Variants in RANBP10 observed in about 807,000 individuals in gnomAD.
RANBP10 encodes the protein ran-binding protein 10.
In RANBP10, 24 loss-of-function variants were observed where a neutral mutation model predicts 72.8. That is an observed-to-expected ratio of 0.33 (90% CI 0.24 to 0.46). The LOEUF (loss-of-function observed/expected upper bound fraction) is 0.46. Among genes scored for constraint, RANBP10 ranks in the 20% least tolerant of loss-of-function variants. RANBP10 has a pLI of 1.00. For synonymous variants in RANBP10, 310 were observed against 322.3 expected, an observed-to-expected ratio of 0.96 and a Z score of 0.41; for missense variants, 679 against 817.5, an observed-to-expected ratio of 0.83 and a Z score of 2.07.
At chr16:67,768,239 G>A (rs960294767) in intron 3 of RANBP10, among the ~76,000 whole-genome samples, 3 of 151,544 alleles carry the variant, frequency 2.0e-5, no homozygotes, top group Non-Finnish European at 2.9e-5. Flanking sequence ...ATACAAAAAC[G>A]GCCGGGCGTG....
rs562765341 is a variant in RANBP10, at chr16:67,758,464, T to C, written c.400+13570A>G. Among the ~76,000 whole-genome samples the C allele has an allele frequency of 2.9e-4, 44 of 152,244 alleles. No individual in the cohort carries two copies. The South Asian group carries it at 5.4e-3, about 19-fold the overall frequency. ...ATGCCTGTGGCTCTGCGTACATCGT[T>C]GGGTCCTGAGCGACGGCCAACCCCT... On this transcript the variant is annotated intron_variant, in intron 3 of 13. Coordinates refer to ENST00000317506, the MANE Select transcript of RANBP10 (RefSeq NM_020850.3).
At chr16:67,727,572 T>C (rs1032358091) in intron 12 of RANBP10, 134 bp from the exon 13 acceptor site, 5 of 1,313,324 alleles carry the variant, frequency 3.8e-6, no homozygotes, top group Non-Finnish European at 5.3e-6. Context: ...GGCAGGGCTG[T>C]ACTCTCCCCA....
At chr16:67,748,049 T>A (rs2054121439) in intron 3 of RANBP10, among the ~76,000 whole-genome samples, 1 of 150,230 alleles carries the variant, frequency 6.7e-6, no homozygotes, top group African/African-American at 2.4e-5. Context: ...ATGGTCTTGA[T>A]CTCCTGACCT....
intron 3 of RANBP10, among the ~76,000 whole-genome samples, chr16:67,745,693 T>C (rs1260653033): frequency 6.9e-6 from 1 of 144,826 alleles, no homozygotes; most frequent in African/African-American, 2.6e-5. Flanking sequence ...TACAGTTGCA[T>C]TACCACCACC....
chr16:67,774,755 C>A (rs969243046), intron 2 of RANBP10, among the ~76,000 whole-genome samples: 13 of 152,136 alleles, frequency 8.5e-5, no homozygotes, highest in Non-Finnish European at 1.5e-4. Context: ...TCTTCAAATA[C>A]TGGGTGACAT....
intron 2 of RANBP10, among the ~76,000 whole-genome samples, chr16:67,772,670 C>A (rs2054630081): frequency 6.6e-6 from 1 of 152,116 alleles, no homozygotes; most frequent in Admixed American, 6.6e-5. Context: ...TGTGAGGCCC[C>A]CAGAGACCCC....
chr16:67,758,096 A>C (rs2054323495), intron 3 of RANBP10, among the ~76,000 whole-genome samples: 1 of 152,240 alleles, frequency 6.6e-6, no homozygotes, highest in African/African-American at 2.4e-5. Context: ...GGCCTTGCAC[A>C]GATCACACCC....
At chr16:67,766,239 G>C (rs2054499933) in intron 3 of RANBP10, among the ~76,000 whole-genome samples, 1 of 152,166 alleles carries the variant, frequency 6.6e-6, no homozygotes, top group African/African-American at 2.4e-5. Context: ...GTTTATGAAT[G>C]ATGATGCTTT....
chr16:67,787,340 G>A (rs1052742740), intron 2 of RANBP10, among the ~76,000 whole-genome samples: 1 of 152,050 alleles, frequency 6.6e-6, no homozygotes, highest in African/African-American at 2.4e-5. Context: ...AGGCAAGACA[G>A]CAAGGCTTTA....
At chr16:67,771,954 G>T (rs776981617) in intron 3 of RANBP10, 80 bp downstream of exon 3, 10 of 1,512,394 alleles carry the variant, frequency 6.6e-6, no homozygotes, top group Non-Finnish European at 9.0e-6. Context: ...GTCCTCCCCA[G>T]CCTCTCTGCT....
At chr16:67,780,396 C>T (rs1167901244) in intron 2 of RANBP10, among the ~76,000 whole-genome samples, 1 of 152,128 alleles carries the variant, frequency 6.6e-6, no homozygotes, top group African/African-American at 2.4e-5. Flanking sequence ...GCTGTGCATG[C>T]ACAGCCTGCA....
At chr16:67,755,833 A>G (rs2054277745) in intron 3 of RANBP10, among the ~76,000 whole-genome samples, 1 of 152,136 alleles carries the variant, frequency 6.6e-6, no homozygotes, top group Non-Finnish European at 1.5e-5. Context: ...CCACCCAACT[A>G]ACCATTCTTC....
intron 3 of RANBP10, among the ~76,000 whole-genome samples, chr16:67,749,642 T>C (rs2054157386): frequency 6.6e-6 from 1 of 152,194 alleles, no homozygotes; most frequent in Non-Finnish European, 1.5e-5. Context: ...CTAGTGGGTA[T>C]GCAAATCATT....
At position 67,724,663 on chromosome 16, in the gene RANBP10, G is replaced by GCCCTGGC. The variant is rs1225217808; in HGVS notation, c.*1758_*1764dup. On this transcript the variant is annotated 3_prime_UTR_variant, in exon 14 of 14. Transcript: ENST00000317506. ...GAATTCTGACAGCACAGGGCCCAGG[G>GCCCTGGC]CCCTGGCCCCATCACCAGCAGTTGG... is the stretch of plus-strand genomic sequence containing the variant. 6.6e-6 allele frequency: 1 copy of GCCCTGGC among 152,270 alleles called. No individual in the cohort carries two copies. The highest frequency in any genetic ancestry group is 2.4e-5 in the African/African-American group (1 of 41,466). 9.4% of individuals were successfully genotyped at this position (152,270 alleles called of 1,614,324 possible).
At chr16:67,767,212 G>C (rs1055904673) in intron 3 of RANBP10, among the ~76,000 whole-genome samples, 2 of 152,074 alleles carry the variant, frequency 1.3e-5, no homozygotes, top group African/African-American at 2.4e-5. Flanking sequence ...ATCTCAAAGA[G>C]ACTCAGATCA....
In RANBP10 at chr16:67,806,292, G is replaced by A. The variant is rs759602357; in HGVS notation, c.235+10C>T. 3 of 1,601,632 alleles carry A rather than the reference G, an allele frequency of 1.9e-6. No homozygotes were observed. Among genetic ancestry groups the A allele is most frequent in the Non-Finnish European group, 2.6e-6 (3 of 1,172,946 alleles). On this transcript the variant is annotated intron_variant, in intron 1 of 13. Coordinates refer to ENST00000317506, the MANE Select transcript of RANBP10 (RefSeq NM_020850.3). The stretch of plus-strand genomic sequence containing the variant: ...TAGCCTTAATTCCCCCCAGCCTGAC[G>A]GGCCGATACCTTTGTAGTGGACGCG...
At chr16:67,799,274 G>A (rs1289475616) in intron 2 of RANBP10, among the ~76,000 whole-genome samples, 2 of 141,914 alleles carry the variant, frequency 1.4e-5, no homozygotes, top group South Asian at 2.2e-4. Context: ...CATGTTCTGC[G>A]CTCCACATCT....
intron 3 of RANBP10, among the ~76,000 whole-genome samples, chr16:67,753,688 T>A (rs1419439446): frequency 1.3e-5 from 2 of 152,024 alleles, no homozygotes; most frequent in African/African-American, 4.8e-5. Context: ...CAGAAAAGCA[T>A]CCAGTGGGGC....
At chr16:67,799,785 C>A (rs1376410579) in intron 2 of RANBP10, among the ~76,000 whole-genome samples, 1 of 152,018 alleles carries the variant, frequency 6.6e-6, no homozygotes, top group Admixed American at 6.6e-5. Context: ...CCTGACCCTT[C>A]GACACCACCG....
Sources: allele counts gnomAD v4.1 joint callset (sites outside exome capture counted in the v4.1 genomes callset), GRCh38; gene constraint gnomAD v4.1.1; transcripts MANE v1.5; gene names NCBI Gene and HGNC (gene_info 2026-07-23, HGNC 2026-07-21).